The following ODAD2 variants were observed in gnomAD, a reference collection of about 807,000 sequenced individuals.
ODAD2 encodes the protein outer dynein arm docking complex subunit 2, also known as outer dynein arm-docking complex subunit 2.
In ODAD2, 89 loss-of-function variants were observed where a neutral mutation model predicts 106.8. The observed-to-expected ratio is 0.83, with a 90% CI of 0.70 to 0.99. The LOEUF (loss-of-function observed/expected upper bound fraction) is 0.99. ODAD2 is among the 50% of genes least tolerant of loss of function. The probability of loss-of-function intolerance (pLI) is 0.00; values close to 1 mark genes in which losing one functional copy is unlikely to be tolerated. For missense variants in ODAD2, 1,168 were observed against 1,238.5 expected (o/e 0.94, Z 0.85); for synonymous variants, 404 against 436.2 (o/e 0.93, Z 0.92).
chr10:27,974,934 T>C (rs1332090887), intron 7 of ODAD2, among the ~76,000 whole-genome samples: 1 of 152,202 alleles, frequency 6.6e-6, no homozygotes, highest in Non-Finnish European at 1.5e-5. Context: ...TTTGTAATTC[T>C]CACTGTAGAG....
chr10:27,984,380 C>A (rs558056790), intron 4 of ODAD2, 90 bp from the exon 5 acceptor site: 9 of 896,534 alleles, frequency 1.0e-5, no homozygotes, highest in Middle Eastern at 2.6e-4. Context: ...GGAGAAATAT[C>A]TTTTTTGTAA....
rs2133125561 is a variant in ODAD2 at position 27,984,068 on chromosome 10, A to T, written c.683-89T>A. 3 of 1,535,966 alleles carry T rather than the reference A, an allele frequency of 2.0e-6. No individual in the cohort carries two copies. In the East Asian group the frequency reaches 6.8e-5, roughly 35 times the overall value. Reference sequence around the variant, plus strand: ...GCTTCCACAAAATAAATATTGTGGAAATTTTAAGCTTTCCCCTTCTTAAAC... The same window carrying T: ...GCTTCCACAAAATAAATATTGTGGATATTTTAAGCTTTCCCCTTCTTAAAC... On this transcript the variant is annotated intron_variant, in intron 5 of 19. Transcript: ENST00000305242.
chr10:27,985,494 T>G (rs564312226), intron 3 of ODAD2, among the ~76,000 whole-genome samples: 32 of 152,328 alleles, frequency 2.1e-4, no homozygotes, highest in African/African-American at 6.5e-4. Flanking sequence ...TCTTTTTTAA[T>G]TGGCCGTGGG....
chr10:27,851,619 A>T lies in ODAD2; in HGVS notation c.3021+9006T>A, dbSNP rs74127131. ...AGTGAGCTTGAAGACAAAGAAAAAA[A>T]TCCTAATTTAAAACACAGAAAGAAC... On this transcript the variant is annotated intron_variant, in intron 19 of 19. Coordinates refer to ENST00000305242, the MANE Select transcript of ODAD2 (RefSeq NM_018076.5). 3.8e-3 allele frequency among the ~76,000 whole-genome samples: 584 copies of T among 152,272 alleles called. 3 individuals are homozygous for T. The highest frequency in any genetic ancestry group is 0.014 in the African/African-American group (562 of 41,550).
chr10:27,982,357 T>C (rs1212447520), intron 6 of ODAD2, among the ~76,000 whole-genome samples: 1 of 152,178 alleles, frequency 6.6e-6, no homozygotes, highest in African/African-American at 2.4e-5. Context: ...AAGGGATACT[T>C]AGATATCTCC....
chr10:27,954,482 T>C (rs1190457660), intron 10 of ODAD2, among the ~76,000 whole-genome samples: 1 of 128,124 alleles, frequency 7.8e-6, no homozygotes, highest in Non-Finnish European at 1.7e-5. Context: ...CACACGTTCA[T>C]GAATAAACAC....
intron 17 of ODAD2, among the ~76,000 whole-genome samples, chr10:27,874,201 T>A (rs1274722719): frequency 6.6e-6 from 1 of 152,206 alleles, no homozygotes; most frequent in African/African-American, 2.4e-5. Flanking sequence ...TGTTTTCCAT[T>A]TGCTTGGTAG....
chr10:27,921,776 T>A (rs537100612), intron 16 of ODAD2, among the ~76,000 whole-genome samples: 2 of 148,288 alleles, frequency 1.3e-5, no homozygotes, highest in African/African-American at 4.9e-5. Flanking sequence ...GCAAAATAAT[T>A]AGACAAGCAT....
rs1850495630 is a variant in ODAD2, at chr10:27,995,324, C to T, written c.-38-144G>A. 3 of 949,594 alleles carry T rather than the reference C, an allele frequency of 3.2e-6. No individual in the cohort carries two copies. In the Admixed American group the frequency reaches 8.8e-5, roughly 28 times the overall value. The allele number at this position is 949,594 out of a possible 1,614,324, so 58.8% of individuals were successfully genotyped here. A position where few individuals can be genotyped will look rare whatever the true frequency, so the allele number is the denominator to read the frequency against. ...AGATTCTTTTAACATTATCTAATTGCTCTTCAGTTCAATGAAGTAGTAAAC... is the reference window on the plus strand; with the variant it reads ...AGATTCTTTTAACATTATCTAATTGTTCTTCAGTTCAATGAAGTAGTAAAC... On this transcript the variant is annotated intron_variant, in intron 1 of 19. Transcript: ENST00000305242.
chr10:27,954,661 G>T (rs1326065425), intron 10 of ODAD2, among the ~76,000 whole-genome samples: 1 of 152,190 alleles, frequency 6.6e-6, no homozygotes, highest in Non-Finnish European at 1.5e-5. Context: ...TATTATCATT[G>T]TCTTTACGCT....
At chr10:27,942,133 C>G (rs147642259) in intron 12 of ODAD2, among the ~76,000 whole-genome samples, 1 of 152,156 alleles carries the variant, frequency 6.6e-6, no homozygotes, top group Non-Finnish European at 1.5e-5. Flanking sequence ...TCAGAAAGCC[C>G]GTAGCATTTG....
intron 19 of ODAD2, among the ~76,000 whole-genome samples, chr10:27,839,698 G>A (rs1838170520): frequency 6.6e-6 from 1 of 152,144 alleles, no homozygotes; most frequent in Non-Finnish European, 1.5e-5. Context: ...AGCCAACAGC[G>A]ACAGATATAA....
At chr10:27,965,057 T>C (rs1349545174) in intron 9 of ODAD2, among the ~76,000 whole-genome samples, 4 of 152,154 alleles carry the variant, frequency 2.6e-5, no homozygotes, top group Admixed American at 1.3e-4. Context: ...AGGGAGTGTG[T>C]AGGCCAAGAT....
At chr10:27,950,343 C>T (rs893597338) in intron 10 of ODAD2, among the ~76,000 whole-genome samples, 1 of 152,122 alleles carries the variant, frequency 6.6e-6, no homozygotes, top group South Asian at 2.1e-4. Context: ...TGAGTCAAAG[C>T]AGAAAAATAC....
chr10:27,816,597 C>T (rs1836154159), intron 19 of ODAD2, among the ~76,000 whole-genome samples: 1 of 151,940 alleles, frequency 6.6e-6, no homozygotes, highest in South Asian at 2.1e-4. Flanking sequence ...TAGGTGGGAC[C>T]AAAGCATAGG....
intron 7 of ODAD2, among the ~76,000 whole-genome samples, chr10:27,976,214 A>T (rs34648810): frequency 7.7e-6 from 1 of 129,802 alleles, no homozygotes; most frequent in Non-Finnish European, 1.6e-5. Context: ...TTTCTATTCA[A>T]TTTTTTACTG....
At chr10:27,823,021 T>C (rs556910635) in intron 19 of ODAD2, among the ~76,000 whole-genome samples, 27 of 152,326 alleles carry the variant, frequency 1.8e-4, no homozygotes, top group South Asian at 8.3e-4. Flanking sequence ...GAGAGCCCTA[T>C]TGACTTTCTT....
chr10:27,944,083 G>A (rs764513213), intron 12 of ODAD2, 139 bp downstream of exon 12: 33 of 692,024 alleles, frequency 4.8e-5, no homozygotes, highest in Non-Finnish European at 6.3e-5. Context: ...AATTCTTAAG[G>A]GCAAGCGATA....
chr10:27,884,618 A>G (rs1477607230), intron 17 of ODAD2, among the ~76,000 whole-genome samples: 4 of 152,110 alleles, frequency 2.6e-5, no homozygotes, highest in African/African-American at 9.7e-5. Context: ...CAGAGTCTAG[A>G]TTTCAGCTAG....
Sources: allele counts gnomAD v4.1 joint callset (sites outside exome capture counted in the v4.1 genomes callset), GRCh38; gene constraint gnomAD v4.1.1; transcripts MANE v1.5; gene names NCBI Gene and HGNC (gene_info 2026-07-23, HGNC 2026-07-21).